The following NCAM2 variants were observed in gnomAD, a reference collection of about 807,000 sequenced individuals.
The protein encoded by NCAM2 is neural cell adhesion molecule 2, also known as N-CAM-2.
Under a neutral mutation model 98.1 loss-of-function variants are expected in NCAM2, and 30 were observed. The observed-to-expected ratio is 0.31, with a 90% confidence interval of 0.23 to 0.41. NCAM2 has a LOEUF of 0.41. Among genes scored for constraint, NCAM2 ranks in the 10% least tolerant of loss-of-function variants. The pLI is 1.00. For synonymous variants in NCAM2, 368 were observed against 342.4 expected (o/e 1.07, Z -0.83); for missense variants, 867 against 1,005.8 (o/e 0.86, Z 1.87).
At chr21:21,210,928 A>G (rs2069629463) in intron 1 of NCAM2, among the ~76,000 whole-genome samples, 2 of 149,892 alleles carry the variant, frequency 1.3e-5, no homozygotes, top group Admixed American at 6.7e-5. Flanking sequence ...GGTAGCTTCC[A>G]TATAGGAGAA....
intron 1 of NCAM2, among the ~76,000 whole-genome samples, chr21:21,175,775 AATTCAGTG>A (rs1478851062): frequency 1.3e-5 from 2 of 152,124 alleles, no homozygotes; most frequent in Non-Finnish European, 2.9e-5. Context: ...TGTGAAGTAA[AATTCAGTG>A]TTAGTGATCA....
chr21:21,062,719 T>G (rs1345556681), intron 1 of NCAM2, among the ~76,000 whole-genome samples: 1 of 152,250 alleles, frequency 6.6e-6, no homozygotes, highest in Non-Finnish European at 1.5e-5. Flanking sequence ...ATGTATTGTT[T>G]GTTTTTAATT....
chr21:21,175,541 T>TAA (rs202156201), intron 1 of NCAM2, among the ~76,000 whole-genome samples: 1 of 149,746 alleles, frequency 6.7e-6, no homozygotes, highest in Non-Finnish European at 1.5e-5. Flanking sequence ...TCAAAAAAAA[T>TAA]AAAAAAAAAT....
intron 15 of NCAM2, among the ~76,000 whole-genome samples, chr21:21,502,296 A>AT (rs1987689259): frequency 6.6e-6 from 1 of 151,930 alleles, no homozygotes; most frequent in Admixed American, 6.6e-5. Context: ...CATGTATCAA[A>AT]TTTATTTAAT....
At chr21:21,088,834 T>C (rs1424771750) in intron 1 of NCAM2, among the ~76,000 whole-genome samples, 1 of 151,856 alleles carries the variant, frequency 6.6e-6, no homozygotes, top group Admixed American at 6.6e-5. Context: ...TAGCCGGGCG[T>C]GGTGGCGGGC....
At chr21:21,466,578 A>G (rs771221078) in intron 12 of NCAM2, 28 bp from the exon 13 acceptor site, 33 of 1,472,710 alleles carry the variant, frequency 2.2e-5, no homozygotes, top group Admixed American at 6.6e-5. Flanking sequence ...TATATGTTTT[A>G]TTTTGTTTTG....
intron 9 of NCAM2, among the ~76,000 whole-genome samples, chr21:21,396,389 A>G (rs2076507197): frequency 6.6e-6 from 1 of 152,254 alleles, no homozygotes; most frequent in Non-Finnish European, 1.5e-5. Flanking sequence ...AAAGTGGAAC[A>G]CTTTTAGACT....
rs565798280 is a variant in NCAM2, at chr21:21,280,498, T to C, written c.56-80T>C. The stretch of plus-strand genomic sequence containing the variant: ...GGGGAAATAATCAGCGTTTGGACCA[T>C]GTGGTTTAGACATCATGCATTAAAA... On this transcript the variant is annotated intron_variant, in intron 1 of 17. Transcript: ENST00000400546. 14 of 933,746 alleles carry C rather than the reference T, an allele frequency of 1.5e-5. No homozygotes were observed. In the African/African-American group the frequency reaches 1.5e-4, roughly 10 times the overall value. The allele number at this position is 933,746 out of a possible 1,614,324, so 57.8% of individuals were successfully genotyped here. A position where few individuals can be genotyped will look rare whatever the true frequency, so the allele number is the denominator to read the frequency against.
chr21:21,426,224 A>G (rs573813493), intron 11 of NCAM2, among the ~76,000 whole-genome samples: 1 of 152,262 alleles, frequency 6.6e-6, no homozygotes, highest in East Asian at 1.9e-4. Context: ...GATCGAAACA[A>G]GAAAAATGTA....
chr21:21,345,321 G>C (rs1212957861), intron 8 of NCAM2, among the ~76,000 whole-genome samples: 1 of 151,712 alleles, frequency 6.6e-6, no homozygotes, highest in Admixed American at 6.6e-5. Flanking sequence ...AGAAATATGT[G>C]AACTTTCAGA....
At chr21:21,412,673 A>G (rs1217152022) in intron 10 of NCAM2, among the ~76,000 whole-genome samples, 1 of 152,212 alleles carries the variant, frequency 6.6e-6, no homozygotes, top group East Asian at 1.9e-4. Flanking sequence ...ACACACAGCC[A>G]GGTGATCTGT....
chr21:21,274,521 C>A (rs1012773696), intron 1 of NCAM2, among the ~76,000 whole-genome samples: 1 of 151,900 alleles, frequency 6.6e-6, no homozygotes, highest in African/African-American at 2.4e-5. Context: ...TTATAAAAAT[C>A]CAATAACAAG....
chr21:21,432,020 C>T, intron 11 of NCAM2, 88 bp from the exon 12 acceptor site: 2 of 1,189,318 alleles, frequency 1.7e-6, no homozygotes, highest in South Asian at 3.7e-5. Flanking sequence ...AGTTTTCCTT[C>T]ACTCCTAGTT....
chr21:21,037,380 T>A (rs1051222094), intron 1 of NCAM2, among the ~76,000 whole-genome samples: 1 of 152,224 alleles, frequency 6.6e-6, no homozygotes, highest in Non-Finnish European at 1.5e-5. Context: ...TTTCCTGTTA[T>A]GTTATATGTT....
intron 11 of NCAM2, among the ~76,000 whole-genome samples, chr21:21,419,137 C>G (rs1168386008): frequency 6.6e-6 from 1 of 151,908 alleles, no homozygotes; most frequent in Non-Finnish European, 1.5e-5. Context: ...TTATAGGTAA[C>G]AATACAGATT....
chr21:21,523,152 A>C (rs1424769295), intron 16 of NCAM2, among the ~76,000 whole-genome samples: 3 of 152,086 alleles, frequency 2.0e-5, no homozygotes, highest in African/African-American at 7.2e-5. Context: ...TCTTCACTTT[A>C]CTGATGGTTT....
chr21:21,186,303 C>T (rs1235267833), intron 1 of NCAM2, among the ~76,000 whole-genome samples: 3 of 151,736 alleles, frequency 2.0e-5, no homozygotes, highest in African/African-American at 7.3e-5. Context: ...TTGATTTGGC[C>T]AGAAAATTAT....
At chr21:21,515,514 AT>A (rs1222473165) in intron 16 of NCAM2, among the ~76,000 whole-genome samples, 4 of 152,166 alleles carry the variant, frequency 2.6e-5, no homozygotes, top group Admixed American at 1.3e-4. Context: ...AATTATTTTT[AT>A]TTTTTGTTAG....
chr21:21,369,847 C>A (rs1303141641), intron 8 of NCAM2, among the ~76,000 whole-genome samples: 2 of 151,710 alleles, frequency 1.3e-5, no homozygotes, highest in Non-Finnish European at 2.9e-5. Flanking sequence ...CCTTTAAACT[C>A]TTTCAACACA....
Sources: allele counts gnomAD v4.1 joint callset (sites outside exome capture counted in the v4.1 genomes callset), GRCh38; gene constraint gnomAD v4.1.1; transcripts MANE v1.5; gene names NCBI Gene and HGNC (gene_info 2026-07-23, HGNC 2026-07-21).